TMEM245: variants seen among roughly 807,000 people sequenced by gnomAD.
TMEM245 encodes the protein transmembrane protein 245.
TMEM245 carries 69 observed loss-of-function variants against 101.2 expected under a neutral mutation model. That is an observed-to-expected ratio of 0.68 (90% CI 0.56 to 0.83). TMEM245 has a LOEUF of 0.83. TMEM245 is among the 40% of genes least tolerant of loss of function. The pLI is 0.00. For synonymous variants in TMEM245, 537 were observed against 449.8 expected (o/e 1.19, Z -2.45); for missense variants, 1,075 against 1,092.8 (o/e 0.98, Z 0.23).
At chr9:109,092,453 C>A (rs1830033320) in intron 4 of TMEM245, among the ~76,000 whole-genome samples, 1 of 152,224 alleles carries the variant, frequency 6.6e-6, no homozygotes, top group Non-Finnish European at 1.5e-5. Flanking sequence ...GGCTAAAGCC[C>A]AAGCTAGTTA....
intron 5 of TMEM245, 96 bp downstream of exon 5, chr9:109,090,826 C>T (rs1374149250): frequency 3.3e-5 from 36 of 1,092,008 alleles, no homozygotes; most frequent in African/African-American, 6.3e-5. Flanking sequence ...CTTTGCAAGA[C>T]GGTAAATGTA....
chr9:109,098,192 G>C (rs1380823576), intron 3 of TMEM245, among the ~76,000 whole-genome samples: 1 of 152,046 alleles, frequency 6.6e-6, no homozygotes, highest in African/African-American at 2.4e-5. Flanking sequence ...TGAAAGATTC[G>C]AGAAAAAGCT....
In TMEM245 at chr9:109,119,863, G is replaced by A; in HGVS notation, c.51C>T (p.Pro17=). ...PKDAPSLRSS[P]GPAPRVPRAV... ...CGCGCGGGACCCGCGGCGCCGGCCC[G>A]GGAGAGCTCCGCAGGCTTGGCGCGT... The change falls in exon 1 of 18, where the codon CCC becomes CCT. Residue 17 remains proline, a synonymous_variant. Transcript: ENST00000374586. 7.6e-7 allele frequency: 1 copy of A among 1,323,534 alleles called. No individual in the cohort carries two copies. The highest frequency in any genetic ancestry group is 9.6e-7 in the Non-Finnish European group (1 of 1,046,652). The allele number at this position is 1,323,534 out of a possible 1,614,324, so 82.0% of individuals were successfully genotyped here.
chr9:109,082,021 A>C (rs1829680190), intron 7 of TMEM245, among the ~76,000 whole-genome samples: 1 of 152,218 alleles, frequency 6.6e-6, no homozygotes, highest in Non-Finnish European at 1.5e-5. Flanking sequence ...GCTCAACCCC[A>C]AGGTGAGCAA....
intron 10 of TMEM245, among the ~76,000 whole-genome samples, chr9:109,060,896 T>TA (rs1248599538): frequency 2.6e-5 from 4 of 152,210 alleles, no homozygotes; most frequent in African/African-American, 4.8e-5. Flanking sequence ...ATCCTTCCTC[T>TA]ATTTGCATGC....
chr9:109,041,453 ATTTTTTTTTTTTT>A (rs1193341550), intron 14 of TMEM245, among the ~76,000 whole-genome samples: 1 of 83,208 alleles, frequency 1.2e-5, no homozygotes, highest in Non-Finnish European at 2.2e-5. Context: ...CATCCTACAA[ATTTTTTTTTTTTT>A]TTTTTTTTTT....
chr9:109,034,691 C>A (rs1175189977), intron 16 of TMEM245, among the ~76,000 whole-genome samples: 1 of 152,218 alleles, frequency 6.6e-6, no homozygotes, highest in East Asian at 1.9e-4. Flanking sequence ...AGTGATCCAC[C>A]CACCTCGGCC....
rs112675291 is a variant in TMEM245 at position 109,077,868 on chromosome 9, G to A, written c.1449+2971C>T. Among the ~76,000 whole-genome samples, 443 of 152,250 alleles carry A rather than the reference G, an allele frequency of 2.9e-3. 2 individuals carry two copies. Among genetic ancestry groups the A allele is most frequent in the Non-Finnish European group, 5.3e-3 (359 of 68,002 alleles). On this transcript the variant is annotated intron_variant, in intron 8 of 17. Coordinates refer to ENST00000374586, the MANE Select transcript of TMEM245 (RefSeq NM_032012.4). ...GGAACTTGCTTTTTATATTCAGTCT[G>A]ACAATGTATGCTTTTTGACTGTTTA...
chr9:109,097,498 G>A (rs920082307), intron 3 of TMEM245, among the ~76,000 whole-genome samples: 1 of 152,150 alleles, frequency 6.6e-6, no homozygotes, highest in African/African-American at 2.4e-5. Flanking sequence ...TCAAATCCCA[G>A]GTCTATTCTT....
At chr9:109,086,484 C>T (rs949710678) in intron 6 of TMEM245, among the ~76,000 whole-genome samples, 1 of 152,342 alleles carries the variant, frequency 6.6e-6, no homozygotes, top group East Asian at 1.9e-4. Context: ...CCCATACACA[C>T]TTTTCCTACA....
chr9:109,081,584 A>C (rs1256122691), intron 7 of TMEM245, among the ~76,000 whole-genome samples: 1 of 152,110 alleles, frequency 6.6e-6, no homozygotes, highest in Non-Finnish European at 1.5e-5. Flanking sequence ...AGGGGCACAA[A>C]ACAGCCTTCA....
rs1249050390 is a variant in TMEM245 at position 109,016,534 on chromosome 9, A to C, written c.*3926T>G. ...GGGTCTTTCTCTAGAAAGTGACAGG[A>C]CCACCTAATTTTAGAAGTCCCATTC... is the stretch of plus-strand genomic sequence containing the variant. On this transcript the variant is annotated 3_prime_UTR_variant, in exon 18 of 18. Coordinates refer to ENST00000374586, the MANE Select transcript of TMEM245 (RefSeq NM_032012.4). 6.6e-6 allele frequency: 1 copy of C among 150,710 alleles called. No individual in the cohort carries two copies. Among genetic ancestry groups the C allele is most frequent in the African/African-American group, 2.4e-5 (1 of 41,346 alleles). The allele number at this position is 150,710 out of a possible 1,614,324, so 9.3% of individuals were successfully genotyped here. A position where few individuals can be genotyped will look rare whatever the true frequency, so the allele number is the denominator to read the frequency against.
chr9:109,016,751 C>G lies in TMEM245; in HGVS notation c.*3709G>C, dbSNP rs1015034919. ...TGGCAGAATGTTGAAAGACAAGAAA[C>G]TAATAAAAAGTACTTGTTTTTAGCT... On this transcript the variant is annotated 3_prime_UTR_variant, in exon 18 of 18. Transcript: ENST00000374586. The G allele has an allele frequency of 1.5e-5, 2 of 136,114 alleles. No homozygotes were observed. Among genetic ancestry groups the G allele is most frequent in the Non-Finnish European group, 3.1e-5 (2 of 64,456 alleles). The allele number at this position is 136,114 out of a possible 1,614,324, so 8.4% of individuals were successfully genotyped here.
chr9:109,118,082 T>C (rs1409682218), intron 1 of TMEM245, among the ~76,000 whole-genome samples: 1 of 152,236 alleles, frequency 6.6e-6, no homozygotes, highest in Non-Finnish European at 1.5e-5. Flanking sequence ...ATGTCTGTCA[T>C]CTCCATTAGA....
At chr9:109,096,404 G>C (rs1326021748) in intron 3 of TMEM245, among the ~76,000 whole-genome samples, 1 of 152,200 alleles carries the variant, frequency 6.6e-6, no homozygotes, top group Non-Finnish European at 1.5e-5. Flanking sequence ...TTGAACCCAG[G>C]AGGCAGAGGT....
At chr9:109,082,666 A>G (rs1435162831) in intron 7 of TMEM245, among the ~76,000 whole-genome samples, 1 of 151,830 alleles carries the variant, frequency 6.6e-6, no homozygotes, top group Admixed American at 6.6e-5. Context: ...TTTTTTTCAG[A>G]AAAGTCATAT....
intron 16 of TMEM245, among the ~76,000 whole-genome samples, chr9:109,035,818 C>T (rs1042417481): frequency 4.6e-5 from 7 of 150,986 alleles, no homozygotes; most frequent in Non-Finnish European, 7.4e-5. Flanking sequence ...TCCCGTAATC[C>T]TAGTGCCTTG....
At chr9:109,074,750 T>C (rs887253354) in intron 8 of TMEM245, among the ~76,000 whole-genome samples, 1 of 152,130 alleles carries the variant, frequency 6.6e-6, no homozygotes, top group African/African-American at 2.4e-5. Flanking sequence ...GAACAGAGTC[T>C]AGATACCCTA....
At chr9:109,023,345 T>C (rs1445254241) in intron 17 of TMEM245, among the ~76,000 whole-genome samples, 2 of 152,220 alleles carry the variant, frequency 1.3e-5, no homozygotes, top group South Asian at 2.1e-4. Context: ...TTTTGGCTTA[T>C]TCCAGAGGCA....
Sources: allele counts gnomAD v4.1 joint callset (sites outside exome capture counted in the v4.1 genomes callset), GRCh38; gene constraint gnomAD v4.1.1; transcripts MANE v1.5; gene names NCBI Gene and HGNC (gene_info 2026-07-23, HGNC 2026-07-21).